SMURF2: variants seen among roughly 807,000 people sequenced by gnomAD.
SMURF2 encodes E3 ubiquitin-protein ligase SMURF2.
A neutral mutation model predicts 109.6 loss-of-function variants in SMURF2; 48 were observed. The observed-to-expected ratio is 0.44, with a 90% CI of 0.35 to 0.56. The LOEUF (loss-of-function observed/expected upper bound fraction) is 0.56, where lower values mean the gene tolerates loss of function less well. SMURF2 is among the 20% of genes least tolerant of loss of function. The pLI is 0.01. For synonymous variants in SMURF2, 288 were observed against 317.1 expected, an observed-to-expected ratio of 0.91 and a Z score of 0.97; for missense variants, 575 against 909.0, an observed-to-expected ratio of 0.63 and a Z score of 4.72.
intron 1 of SMURF2, among the ~76,000 whole-genome samples, chr17:64,608,003 A>AAATG (rs1444366302): frequency 7.1e-6 from 1 of 141,672 alleles, no homozygotes; most frequent in Non-Finnish European, 1.5e-5. Flanking sequence ...TGTCATAAAT[A>AAATG]AATAAATAAA....
intron 1 of SMURF2, among the ~76,000 whole-genome samples, chr17:64,622,223 T>A (rs181741809): frequency 1.1e-3 from 166 of 152,044 alleles, no homozygotes; most frequent in African/African-American, 3.9e-3. Flanking sequence ...TTTAGAATAG[T>A]TTCAGATTTA....
chr17:64,629,120 A>G (rs1429256324), intron 1 of SMURF2, among the ~76,000 whole-genome samples: 1 of 152,162 alleles, frequency 6.6e-6, no homozygotes, highest in Non-Finnish European at 1.5e-5. Flanking sequence ...AGAACCTCAC[A>G]AACTTACAGA....
chr17:64,624,055 A>C (rs1419163885), intron 1 of SMURF2, among the ~76,000 whole-genome samples: 6 of 152,228 alleles, frequency 3.9e-5, no homozygotes, highest in Admixed American at 3.3e-4. Flanking sequence ...AATATTCACT[A>C]ATTTGTGATG....
intron 1 of SMURF2, among the ~76,000 whole-genome samples, chr17:64,647,630 G>A (rs953917448): frequency 8.6e-5 from 13 of 150,670 alleles, no homozygotes; most frequent in Admixed American, 5.3e-4. Context: ...GCGGTGAGCC[G>A]AGATCATGCC....
intron 1 of SMURF2, among the ~76,000 whole-genome samples, chr17:64,658,481 T>C (rs573569153): frequency 6.6e-6 from 1 of 152,214 alleles, no homozygotes; most frequent in Admixed American, 6.5e-5. Flanking sequence ...CGCTAGCATA[T>C]CTAAAGGGAA....
At chr17:64,567,853 C>CTTTTT (rs1173742917) in intron 10 of SMURF2, among the ~76,000 whole-genome samples, 1 of 112,192 alleles carries the variant, frequency 8.9e-6, no homozygotes, top group African/African-American at 3.9e-5. Flanking sequence ...CCACACCTGG[C>CTTTTT]TTTTTTTTTT....
At chr17:64,607,385 T>C (rs1279686012) in intron 1 of SMURF2, among the ~76,000 whole-genome samples, 1 of 152,038 alleles carries the variant, frequency 6.6e-6, no homozygotes, top group Non-Finnish European at 1.5e-5. Flanking sequence ...CCCAGCACTT[T>C]GGGAGGCCGA....
intron 1 of SMURF2, among the ~76,000 whole-genome samples, chr17:64,625,857 T>C (rs1345234225): frequency 6.6e-6 from 1 of 152,120 alleles, no homozygotes; most frequent in African/African-American, 2.4e-5. Flanking sequence ...GGTAAAGCGC[T>C]CCTTTGAAAA....
Position 64,542,885 on chromosome 17 carries a change from ACACTATG to A in SMURF2, c.*2956_*2962del, listed in dbSNP as rs1316861935. ...AAACAAAATGTACACTATACACTAT[ACACTATG>A]CACTATTTAAAAACTACACCAAGAT... On this transcript the variant is annotated 3_prime_UTR_variant, in exon 19 of 19. Transcript: ENST00000262435. 2 of 150,278 alleles carry A rather than the reference ACACTATG, an allele frequency of 1.3e-5. No homozygotes were observed. Among genetic ancestry groups the A allele is most frequent in the East Asian group, 1.9e-4 (1 of 5,186 alleles). 9.3% of individuals were successfully genotyped at this position (150,278 alleles called of 1,614,324 possible).
In SMURF2 at chr17:64,545,957, A is replaced by C; in HGVS notation, c.2148-10T>G. 1.9e-6 allele frequency: 3 copies of C among 1,549,270 alleles called. No homozygotes were observed. The highest frequency in any genetic ancestry group is 2.7e-6 in the Non-Finnish European group (3 of 1,120,880). On this transcript the variant is annotated splice_polypyrimidine_tract_variant and intron_variant, in intron 18 of 18. Coordinates refer to ENST00000262435, the MANE Select transcript of SMURF2 (RefSeq NM_022739.4). ...GTCTATTCGATTGAAGCTGTGAATA[A>C]GCAAATCAAATTTTATACAGTTCAT...
intron 2 of SMURF2, 88 bp downstream of exon 2, chr17:64,606,514 T>C (rs782278855): frequency 6.4e-6 from 6 of 941,466 alleles, no homozygotes; most frequent in African/African-American, 3.4e-5. Context: ...TACTTCTGAA[T>C]AGAGAAACCC....
intron 17 of SMURF2, 22 bp from the exon 18 acceptor site, chr17:64,546,360 A>C (rs1226326593): frequency 1.9e-6 from 3 of 1,609,688 alleles, no homozygotes; most frequent in Non-Finnish European, 2.6e-6. Context: ...GGAAATGTGG[A>C]TGAAATCACT....
chr17:64,614,170 C>G (rs1555689913), intron 1 of SMURF2, among the ~76,000 whole-genome samples: 1 of 152,090 alleles, frequency 6.6e-6, no homozygotes, highest in Non-Finnish European at 1.5e-5. Context: ...GGGTTGAGGA[C>G]CCCTGGCCTA....
intron 8 of SMURF2, among the ~76,000 whole-genome samples, 156 bp from the exon 9 acceptor site, chr17:64,578,732 T>C (rs28406234): frequency 0.014 from 2,103 of 152,374 alleles, 55 homozygotes; most frequent in African/African-American, 0.048. Context: ...TCATTTGTTC[T>C]GTCTCTTGGA....
At chr17:64,566,561 G>GTTTGGTT (rs1969305868) in intron 10 of SMURF2, among the ~76,000 whole-genome samples, 5 of 43,804 alleles carry the variant, frequency 1.1e-4, no homozygotes, top group Admixed American at 4.2e-4. Flanking sequence ...AAGCTTTCTG[G>GTTTGGTT]TTTTTTTTTT....
intron 16 of SMURF2, among the ~76,000 whole-genome samples, chr17:64,551,260 G>A (rs1440770216): frequency 6.6e-6 from 1 of 152,014 alleles, no homozygotes; most frequent in Non-Finnish European, 1.5e-5. Flanking sequence ...CTACTTGAGG[G>A]GCTGAAGGAT....
intron 1 of SMURF2, among the ~76,000 whole-genome samples, chr17:64,656,064 T>C (rs1970701819): frequency 6.6e-6 from 1 of 152,198 alleles, no homozygotes; most frequent in Non-Finnish European, 1.5e-5. Flanking sequence ...ACAAGATGGC[T>C]AAATAGCAAT....
In SMURF2 at chr17:64,606,731, T is replaced by C. The variant is rs901266276; in HGVS notation, c.53-91A>G. On this transcript the variant is annotated intron_variant, in intron 1 of 18. Coordinates refer to ENST00000262435, the MANE Select transcript of SMURF2 (RefSeq NM_022739.4). ...TTAAAACACGGAAAACAGCAGTGAA[T>C]AGTTAAACCCTAACTATAGCAAGGT... The C allele has an allele frequency of 1.3e-5, 12 of 900,908 alleles. No individual in the cohort carries two copies. The East Asian group carries it at 3.1e-4, about 23-fold the overall frequency. The allele number at this position is 900,908 out of a possible 1,614,324, so 55.8% of individuals were successfully genotyped here. A position where few individuals can be genotyped will look rare whatever the true frequency, so the allele number is the denominator to read the frequency against.
At chr17:64,578,788 C>G (rs1969535635) in intron 8 of SMURF2, among the ~76,000 whole-genome samples, 1 of 152,182 alleles carries the variant, frequency 6.6e-6, no homozygotes, top group Non-Finnish European at 1.5e-5. Flanking sequence ...TATCCATAAA[C>G]AAACTAAACT....
Sources: gnomAD v4.1 joint callset for allele counts (sites outside exome capture counted in the v4.1 genomes callset) on GRCh38, gnomAD v4.1.1 for gene constraint, MANE v1.5 for transcripts, NCBI Gene and HGNC (gene_info 2026-07-23, HGNC 2026-07-21) for gene names.